CACNG3: variants seen among roughly 807,000 people sequenced by gnomAD.
CACNG3 encodes the protein voltage-dependent calcium channel gamma-3 subunit.
Under a neutral mutation model 28.5 loss-of-function variants are expected in CACNG3, and 3 were observed. That is an observed-to-expected ratio of 0.11 (90% CI 0.05 to 0.27). The LOEUF (loss-of-function observed/expected upper bound fraction) is 0.27, where lower values mean the gene tolerates loss of function less well. Ranked by LOEUF, CACNG3 falls within the 10% of genes least tolerant of loss-of-function variation. CACNG3 has a pLI of 1.00. For missense variants in CACNG3, 236 were observed against 414.4 expected (o/e 0.57, Z 3.74); for synonymous variants, 174 against 162.2 (o/e 1.07, Z -0.55).
chr16:24,343,570 C>T (rs1166088484), intron 1 of CACNG3, among the ~76,000 whole-genome samples: 1 of 152,148 alleles, frequency 6.6e-6, no homozygotes, highest in African/African-American at 2.4e-5. Context: ...CAGTTCATTG[C>T]CAACATCAAT....
rs538480437 is a variant in CACNG3, at chr16:24,261,339, C to T, written c.211+4374C>T. On this transcript the variant is annotated intron_variant, in intron 1 of 3. Coordinates refer to ENST00000005284, the MANE Select transcript of CACNG3 (RefSeq NM_006539.4). ...GTGGCAAACTGGAAAACACAAGCCT[C>T]ATCTGAAGGATGACTACTACTTGGC... Among the ~76,000 whole-genome samples the T allele has an allele frequency of 7.9e-5, 12 of 152,284 alleles. 1 individual carries two copies. The East Asian group carries it at 2.1e-3, about 27-fold the overall frequency.
chr16:24,257,427 G>GAGAGAGAT (rs1898480116), intron 1 of CACNG3, among the ~76,000 whole-genome samples: 1 of 115,236 alleles, frequency 8.7e-6, no homozygotes, highest in Admixed American at 9.3e-5. Context: ...GAGAGAGAGA[G>GAGAGAGAT]ATCCTGACCC....
intron 1 of CACNG3, among the ~76,000 whole-genome samples, chr16:24,324,197 A>G (rs763766147): frequency 9.2e-5 from 14 of 152,216 alleles, no homozygotes; most frequent in Non-Finnish European, 1.5e-4. Context: ...TAAAGGTCCC[A>G]ATGTCACACA....
rs1256167459 is a variant in CACNG3 at position 24,291,698 on chromosome 16, G to A, written c.211+34733G>A. On this transcript the variant is annotated intron_variant, in intron 1 of 3. Coordinates refer to ENST00000005284, the MANE Select transcript of CACNG3 (RefSeq NM_006539.4). ...TCCTTCCCCCACTTACTGGGTGTGT[G>A]ATGTAGGACAAGTTACTTAACCCCT... Among the ~76,000 whole-genome samples, 26 of 152,146 alleles carry A rather than the reference G, an allele frequency of 1.7e-4. 1 individual carries two copies. Among genetic ancestry groups the A allele is most frequent in the Non-Finnish European group, 1.2e-4 (8 of 68,038 alleles).
intron 1 of CACNG3, among the ~76,000 whole-genome samples, chr16:24,294,516 C>A (rs1899004852): frequency 6.6e-6 from 1 of 152,170 alleles, no homozygotes; most frequent in Non-Finnish European, 1.5e-5. Flanking sequence ...ACACACTCCA[C>A]AAAGTCTAGG....
At chr16:24,299,324 G>A (rs1408901781) in intron 1 of CACNG3, among the ~76,000 whole-genome samples, 1 of 151,908 alleles carries the variant, frequency 6.6e-6, no homozygotes, top group Non-Finnish European at 1.5e-5. Context: ...TCCACCTTCG[G>A]CACTGGGAAT....
chr16:24,354,204 G>A (rs1392419194), intron 2 of CACNG3, among the ~76,000 whole-genome samples: 4 of 152,012 alleles, frequency 2.6e-5, no homozygotes, highest in African/African-American at 9.7e-5. Context: ...AAAACCTCAA[G>A]CAAAAAACAA....
intron 1 of CACNG3, among the ~76,000 whole-genome samples, chr16:24,305,473 C>T (rs969018102): frequency 4.0e-5 from 6 of 151,896 alleles, no homozygotes; most frequent in African/African-American, 1.2e-4. Context: ...ATCCTCCCAC[C>T]TCAGCCTCCT....
intron 1 of CACNG3, among the ~76,000 whole-genome samples, chr16:24,312,004 T>A (rs558216810): frequency 6.6e-6 from 1 of 152,192 alleles, no homozygotes; most frequent in East Asian, 1.9e-4. Context: ...CCTATTTGAT[T>A]TGAGAAAATG....
At chr16:24,313,727 C>T (rs1208907742) in intron 1 of CACNG3, among the ~76,000 whole-genome samples, 3 of 151,612 alleles carry the variant, frequency 2.0e-5, no homozygotes, top group African/African-American at 7.3e-5. Flanking sequence ...CCCAAAGTGA[C>T]TTTTATGTTT....
chr16:24,352,376 A>G (rs746289809), intron 2 of CACNG3, among the ~76,000 whole-genome samples: 1 of 152,052 alleles, frequency 6.6e-6, no homozygotes, highest in Non-Finnish European at 1.5e-5. Context: ...CGCAACTCGC[A>G]GCCCACGGCC....
chr16:24,265,422 G>A (rs1173653784), intron 1 of CACNG3, among the ~76,000 whole-genome samples: 1 of 63,674 alleles, frequency 1.6e-5, no homozygotes, highest in East Asian at 4.3e-4. Context: ...GAAGAAAGAA[G>A]GAAGGAAGGA....
chr16:24,323,846 C>T (rs1177661419), intron 1 of CACNG3, among the ~76,000 whole-genome samples: 1 of 152,228 alleles, frequency 6.6e-6, no homozygotes, highest in Non-Finnish European at 1.5e-5. Flanking sequence ...CAGCTCACTG[C>T]AACCTCCACC....
At chr16:24,338,104 C>A (rs117399646) in intron 1 of CACNG3, among the ~76,000 whole-genome samples, 1 of 152,110 alleles carries the variant, frequency 6.6e-6, no homozygotes, top group African/African-American at 2.4e-5. Flanking sequence ...ACTAGCCTCT[C>A]TTCTGTTCCT....
At chr16:24,331,984 C>T (rs1309768397) in intron 1 of CACNG3, among the ~76,000 whole-genome samples, 3 of 152,282 alleles carry the variant, frequency 2.0e-5, no homozygotes, top group East Asian at 3.9e-4. Flanking sequence ...ATGGAACTTA[C>T]CACTGAAATT....
intron 2 of CACNG3, among the ~76,000 whole-genome samples, chr16:24,348,940 C>T (rs191782326): frequency 1.8e-4 from 28 of 152,256 alleles, no homozygotes; most frequent in Admixed American, 3.9e-4. Flanking sequence ...ATTTTTTTCT[C>T]GTCTGGGAAG....
intron 2 of CACNG3, among the ~76,000 whole-genome samples, chr16:24,351,690 GAAAGAAAGAGAA>G (rs1899946260): frequency 7.3e-6 from 1 of 137,426 alleles, no homozygotes; most frequent in Admixed American, 7.4e-5. Flanking sequence ...AAGAAGGAAA[GAAAGAAAGAGAA>G]AGAAAGAAAG....
intron 1 of CACNG3, among the ~76,000 whole-genome samples, chr16:24,322,978 C>T (rs1899485221): frequency 6.6e-6 from 1 of 152,028 alleles, no homozygotes. Context: ...GTAATCCTAG[C>T]ACTTTGGGAG....
At chr16:24,309,577 C>T (rs1480588904) in intron 1 of CACNG3, among the ~76,000 whole-genome samples, 3 of 152,202 alleles carry the variant, frequency 2.0e-5, no homozygotes, top group Non-Finnish European at 2.9e-5. Context: ...TTACAATTCA[C>T]GTACTTTCAT....
Sources: allele counts gnomAD v4.1 joint callset (sites outside exome capture counted in the v4.1 genomes callset), GRCh38; gene constraint gnomAD v4.1.1; transcripts MANE v1.5; gene names NCBI Gene and HGNC (gene_info 2026-07-23, HGNC 2026-07-21).